The following ST6GALNAC2 variants were observed in gnomAD, a reference collection of about 807,000 sequenced individuals.
The protein encoded by ST6GALNAC2 is alpha-N-acetylgalactosaminide alpha-2,6-sialyltransferase 2.
A neutral mutation model predicts 38.7 loss-of-function variants in ST6GALNAC2; 42 were observed. That is an observed-to-expected ratio of 1.09 (90% CI 0.85 to 1.40). The LOEUF (loss-of-function observed/expected upper bound fraction) is 1.40. Ranked by LOEUF, ST6GALNAC2 falls within the 40% of genes most tolerant of loss-of-function variation. The pLI, the probability that ST6GALNAC2 is intolerant of heterozygous loss-of-function variation, is 0.00. For missense variants in ST6GALNAC2, 506 were observed against 481.7 expected (o/e 1.05, Z -0.47); for synonymous variants, 233 against 209.0 (o/e 1.11, Z -0.99).
intron 1 of ST6GALNAC2, among the ~76,000 whole-genome samples, chr17:76,580,119 A>G (rs2143315961): frequency 6.6e-6 from 1 of 152,298 alleles, no homozygotes; most frequent in South Asian, 2.1e-4. Flanking sequence ...GTTAGCACAT[A>G]TAAAAAGTGT....
At chr17:76,570,374 G>A (rs1421889007) in intron 6 of ST6GALNAC2, 191 bp downstream of exon 6, 4 of 576,648 alleles carry the variant, frequency 6.9e-6, no homozygotes, top group Non-Finnish European at 1.2e-5. Context: ...CTTTCCAGGG[G>A]TAGACAAAAA....
intron 1 of ST6GALNAC2, among the ~76,000 whole-genome samples, chr17:76,584,989 T>G (rs1309813684): frequency 6.6e-6 from 1 of 152,196 alleles, no homozygotes. Context: ...GCTCCCAGGT[T>G]CTCCTCGTGG....
chr17:76,577,063 CTTT>C (rs201269670), intron 2 of ST6GALNAC2, among the ~76,000 whole-genome samples: 8 of 116,536 alleles, frequency 6.9e-5, no homozygotes, highest in South Asian at 2.5e-4. Flanking sequence ...TCTTTTTTTT[CTTT>C]TTTTTTTTTT....
Position 76,565,934 on chromosome 17 carries a change from A to T in ST6GALNAC2, c.*170T>A. 1 of 641,654 alleles carries T rather than the reference A, an allele frequency of 1.6e-6. No homozygotes were observed. Among genetic ancestry groups the T allele is most frequent in the East Asian group, 2.8e-5 (1 of 35,500 alleles). 39.7% of individuals were successfully genotyped at this position (641,654 alleles called of 1,614,324 possible). A position where few individuals can be genotyped will look rare whatever the true frequency, so the allele number is the denominator to read the frequency against. On this transcript the variant is annotated 3_prime_UTR_variant, in exon 9 of 9. Coordinates refer to ENST00000225276, the MANE Select transcript of ST6GALNAC2 (RefSeq NM_006456.3). Reference sequence around the variant, plus strand: ...AGAAGAGTTCTTGGATGAGCCAAGGACAAGCTGGGGTGTCCTATATTGAAC... The same window carrying T: ...AGAAGAGTTCTTGGATGAGCCAAGGTCAAGCTGGGGTGTCCTATATTGAAC...
At position 76,566,143 on chromosome 17, in the gene ST6GALNAC2, GT is replaced by G; in HGVS notation, c.1085del (p.Asp362AlafsTer29). 1 of 1,614,136 alleles carries G rather than the reference GT, an allele frequency of 6.2e-7. No individual in the cohort carries two copies. Among genetic ancestry groups the G allele is most frequent in the Non-Finnish European group, 8.5e-7 (1 of 1,180,030 alleles). On this transcript the variant is annotated frameshift_variant, in exon 9 of 9. Coordinates refer to ENST00000225276, the MANE Select transcript of ST6GALNAC2 (RefSeq NM_006456.3). LOFTEE classifies it high-confidence loss of function. ...GCTGAAGGATGCCGGCCTTGTGCAG[GT>G]CCCTCCACAGGGCAGCTTCCAGGGA... ...DLSLEAALWR[D>X]LHKAGILQLY...
intron 1 of ST6GALNAC2, among the ~76,000 whole-genome samples, chr17:76,580,051 T>A (rs1301842418): frequency 6.6e-6 from 1 of 152,154 alleles, no homozygotes; most frequent in Admixed American, 6.6e-5. Flanking sequence ...ATTTATACAA[T>A]AGGGATAATC....
Position 76,567,684 on chromosome 17 carries a change from C to T in ST6GALNAC2, c.858-132G>A, listed in dbSNP as rs2143287850. On this transcript the variant is annotated intron_variant, in intron 7 of 8. Coordinates refer to ENST00000225276, the MANE Select transcript of ST6GALNAC2 (RefSeq NM_006456.3). ...TACTCCAGTCAGTTCTTTATTCGGTCCAAGTGGACTAAATACAAAGATCTT... is the reference window on the plus strand; with the variant it reads ...TACTCCAGTCAGTTCTTTATTCGGTTCAAGTGGACTAAATACAAAGATCTT... The T allele has an allele frequency of 4.8e-6, 3 of 623,760 alleles. No homozygotes were observed. The East Asian group carries it at 8.3e-5, about 17-fold the overall frequency. 38.6% of individuals were successfully genotyped at this position (623,760 alleles called of 1,614,324 possible). A position where few individuals can be genotyped will look rare whatever the true frequency, so the allele number is the denominator to read the frequency against.
intron 1 of ST6GALNAC2, among the ~76,000 whole-genome samples, chr17:76,581,778 T>C (rs1417589543): frequency 6.6e-6 from 1 of 152,230 alleles, no homozygotes; most frequent in African/African-American, 2.4e-5. Flanking sequence ...TGGGAGGTTT[T>C]ACCAGCCTGA....
intron 8 of ST6GALNAC2, among the ~76,000 whole-genome samples, chr17:76,566,595 C>A (rs1050192789): frequency 6.6e-6 from 1 of 152,024 alleles, no homozygotes; most frequent in Non-Finnish European, 1.5e-5. Context: ...TGGTGGCTCA[C>A]GCCTGTAATC....
chr17:76,568,177 C>T (rs1449301936), intron 7 of ST6GALNAC2: 1 of 162,056 alleles, frequency 6.2e-6, no homozygotes, highest in Non-Finnish European at 1.4e-5. Context: ...GCTGTTGACA[C>T]TTGGGGCCAG....
chr17:76,570,966 T>C (rs1193501710), intron 5 of ST6GALNAC2: 1 of 286,660 alleles, frequency 3.5e-6, no homozygotes, highest in East Asian at 7.2e-5. Flanking sequence ...AGAGACTAGG[T>C]CATAAAAGGC....
chr17:76,578,978 G>T (rs1269544977), intron 1 of ST6GALNAC2, 162 bp from the exon 2 acceptor site: 1 of 507,008 alleles, frequency 2.0e-6, no homozygotes, highest in Non-Finnish European at 3.5e-6. Context: ...GGAGTACAGT[G>T]GTGCAATCTC....
chr17:76,567,510 T>G lies in ST6GALNAC2; in HGVS notation c.900A>C (p.Leu300=). 3 of 1,613,988 alleles carry G rather than the reference T, an allele frequency of 1.9e-6. No homozygotes were observed. The South Asian group carries it at 3.3e-5, about 18-fold the overall frequency. The change falls in exon 8 of 9, where the codon CTA becomes CTC. Residue 300 remains leucine (L), a synonymous_variant. Transcript: ENST00000225276. The part of the protein sequence containing the change: ...SKLINTHFGD[L]YMPSTGALML... ...TGAGAGCCCCGGTACTAGGCATATA[T>G]AGGTCTCCAAAATGTGTGTTAATCA...
At chr17:76,583,871 G>A (rs12600966) in intron 1 of ST6GALNAC2, among the ~76,000 whole-genome samples, 5,053 of 148,906 alleles carry the variant, frequency 0.034, 136 homozygotes, top group East Asian at 0.13. Context: ...GCAGTGGCGC[G>A]ATCTTGGCTC....
intron 2 of ST6GALNAC2, among the ~76,000 whole-genome samples, chr17:76,576,899 G>A (rs1400788098): frequency 1.3e-5 from 2 of 151,214 alleles, no homozygotes; most frequent in African/African-American, 2.4e-5. Flanking sequence ...GAACGTGGGA[G>A]GCGGAGGTTG....
chr17:76,585,165 G>A (rs530168072), intron 1 of ST6GALNAC2, among the ~76,000 whole-genome samples: 1 of 152,290 alleles, frequency 6.6e-6, no homozygotes, highest in South Asian at 2.1e-4. Context: ...AGCGGAAGCC[G>A]GGGAGAAGGG....
At chr17:76,572,233 G>C (rs2075360339) in intron 5 of ST6GALNAC2, among the ~76,000 whole-genome samples, 3 of 152,088 alleles carry the variant, frequency 2.0e-5, no homozygotes, top group Admixed American at 2.0e-4. Flanking sequence ...CTGGGAGTCT[G>C]AGCTCCCCAA....
In ST6GALNAC2 at chr17:76,566,176, G is replaced by A. The variant is rs549538193; in HGVS notation, c.1053C>T (p.His351=). 2.8e-5 allele frequency: 46 copies of A among 1,614,126 alleles called. No individual in the cohort carries two copies. Among genetic ancestry groups the A allele is most frequent in the South Asian group, 5.5e-5 (5 of 91,086 alleles). Residue 351 remains histidine (H), a synonymous_variant, in exon 9 of 9, where the codon CAC becomes CAT. Transcript: ENST00000225276. ...ACAGGGCAGCTTCCAGGGACAGATC[G>A]TGGTTTGCATAAAATATCAATGGCT... ...KMKPLIFYAN[H]DLSLEAALWR...
chr17:76,577,707 G>A (rs1172317893), intron 2 of ST6GALNAC2, among the ~76,000 whole-genome samples: 2 of 151,692 alleles, frequency 1.3e-5, no homozygotes, highest in African/African-American at 2.4e-5. Flanking sequence ...CAAGTAGCTG[G>A]GATTACAGGA....
Sources: allele counts gnomAD v4.1 joint callset (sites outside exome capture counted in the v4.1 genomes callset), GRCh38; gene constraint gnomAD v4.1.1; transcripts MANE v1.5; gene names NCBI Gene and HGNC (gene_info 2026-07-23, HGNC 2026-07-21).